C4orf51: variants seen among roughly 807,000 people sequenced by gnomAD.
The protein encoded by C4orf51 is uncharacterized protein C4orf51.
A neutral mutation model predicts 25.2 loss-of-function variants in C4orf51; 25 were observed. The observed-to-expected ratio is 0.99, with a 90% CI of 0.72 to 1.39. The LOEUF (loss-of-function observed/expected upper bound fraction) is 1.39. Ranked by LOEUF, C4orf51 falls within the 40% of genes most tolerant of loss-of-function variation. The probability of loss-of-function intolerance (pLI) is 0.00; values close to 1 mark genes in which losing one functional copy is unlikely to be tolerated. For synonymous variants in C4orf51, 100 were observed against 84.5 expected (o/e 1.18, Z -1.01); for missense variants, 252 against 239.6 (o/e 1.05, Z -0.34).
intron 1 of C4orf51, among the ~76,000 whole-genome samples, chr4:145,689,163 G>A (rs1349676854): frequency 1.3e-5 from 2 of 152,098 alleles, no homozygotes; most frequent in African/African-American, 4.8e-5. Flanking sequence ...GCAAATCAAT[G>A]AAACCATTAG....
chr4:145,747,674 TTCCC>T (rs1244832265), intron 1 of C4orf51, among the ~76,000 whole-genome samples: 132 of 147,600 alleles, frequency 8.9e-4, no homozygotes, highest in African/African-American at 3.2e-3. Flanking sequence ...CCCCGCTTCT[TTCCC>T]TCCCTCCCTC....
chr4:145,709,951 A>G (rs1731042564), intron 2 of C4orf51, among the ~76,000 whole-genome samples: 1 of 152,164 alleles, frequency 6.6e-6, no homozygotes, highest in African/African-American at 2.4e-5. Flanking sequence ...GGAGAGTAAA[A>G]GGGGCGAATA....
downstream of C4orf51, chr4:145,774,434 G>T: frequency 1.3e-6 from 2 of 1,522,228 alleles, no homozygotes; most frequent in Non-Finnish European, 1.8e-6. Context: ...GGGATGCTTC[G>T]GCCAGGTGGC....
chr4:145,738,606 A>G (rs1174730654), intron 1 of C4orf51, among the ~76,000 whole-genome samples: 1 of 151,972 alleles, frequency 6.6e-6, no homozygotes, highest in East Asian at 1.9e-4. Context: ...ACTGAACCAT[A>G]AGACTACTTT....
intron 1 of C4orf51, among the ~76,000 whole-genome samples, chr4:145,739,201 C>T (rs1189370458): frequency 6.6e-6 from 1 of 152,164 alleles, no homozygotes; most frequent in Non-Finnish European, 1.5e-5. Context: ...ATACTTTGTC[C>T]ACTCATTTAG....
chr4:145,730,572 A>G (rs1360690986), intron 5 of C4orf51, among the ~76,000 whole-genome samples: 1 of 152,182 alleles, frequency 6.6e-6, no homozygotes, highest in Non-Finnish European at 1.5e-5. Flanking sequence ...TGGTTTTTGC[A>G]TAGAAGTTAC....
chr4:145,727,736 G>A (rs1185845856), intron 3 of C4orf51, among the ~76,000 whole-genome samples: 2 of 149,380 alleles, frequency 1.3e-5, no homozygotes, highest in Non-Finnish European at 3.0e-5. Flanking sequence ...TACAAAATTA[G>A]CCGGGCATGA....
intron 1 of C4orf51, among the ~76,000 whole-genome samples, chr4:145,690,979 G>T (rs935848029): frequency 8.5e-5 from 13 of 152,150 alleles, no homozygotes; most frequent in Non-Finnish European, 7.4e-5. Context: ...CAGATGTGGG[G>T]GCATGTGTCT....
chr4:145,693,961 G>T (rs1428560718), intron 1 of C4orf51, among the ~76,000 whole-genome samples: 1 of 138,630 alleles, frequency 7.2e-6, no homozygotes, highest in African/African-American at 2.8e-5. Flanking sequence ...GTGGCTGCCG[G>T]GCGGAGAGGC....
intron 1 of C4orf51, among the ~76,000 whole-genome samples, chr4:145,692,495 G>C (rs1446046056): frequency 6.6e-6 from 1 of 152,112 alleles, no homozygotes; most frequent in Admixed American, 6.5e-5. Context: ...ATAATTACTG[G>C]GGATTGAGCT....
chr4:145,749,160 C>G (rs1004430239), intron 1 of C4orf51, among the ~76,000 whole-genome samples: 1 of 151,050 alleles, frequency 6.6e-6, no homozygotes, highest in African/African-American at 2.4e-5. Context: ...CCCTCTTTGT[C>G]TCTTCTTATA....
chr4:145,730,190 C>T (rs1018618280), intron 5 of C4orf51, among the ~76,000 whole-genome samples: 7 of 152,176 alleles, frequency 4.6e-5, no homozygotes, highest in Non-Finnish European at 8.8e-5. Flanking sequence ...CTCTCCACAG[C>T]TGTTTTGGAA....
intron 1 of C4orf51, among the ~76,000 whole-genome samples, chr4:145,747,740 T>G (rs1014196248): frequency 4.1e-5 from 6 of 147,224 alleles, no homozygotes; most frequent in Non-Finnish European, 9.1e-5. Flanking sequence ...CTTTCTCTTT[T>G]TCTTTTCCTT....
the C4orf51 span, among the ~76,000 whole-genome samples, chr4:145,789,270 T>G: frequency 1.3e-5 from 2 of 152,192 alleles, no homozygotes; most frequent in Non-Finnish European, 2.9e-5. Flanking sequence ...CCATAATTGG[T>G]TAAGTCTCTG....
chr4:145,790,474 T>A, the C4orf51 span, among the ~76,000 whole-genome samples: 1 of 152,202 alleles, frequency 6.6e-6, no homozygotes, highest in Admixed American at 6.5e-5. Context: ...GTTAATTTAC[T>A]CCTGAAATGT....
the C4orf51 span, among the ~76,000 whole-genome samples, chr4:145,778,442 C>CT: frequency 2.5e-3 from 376 of 150,114 alleles, 1 homozygote; most frequent in African/African-American, 8.0e-3. Flanking sequence ...CAACAAAAAC[C>CT]TTTTTTTTTT....
rs776075942 is a variant in C4orf51 at position 145,696,588 on chromosome 4, A to G, written c.263A>G (p.His88Arg). 3.1e-6 allele frequency: 5 copies of G among 1,613,814 alleles called. No individual in the cohort carries two copies. In the Admixed American group the frequency reaches 6.7e-5, roughly 22 times the overall value. Reference protein sequence around the residue: ...QMSLTNSSACHLLCWAGTQET... With the variant: ...QMSLTNSSACRLLCWAGTQET... ...TCATTGACAAACAGTTCTGCCTGTC[A>G]TCTTCTCTGCTGGGCTGGTACCCAA... Residue 88 changes from histidine (H) to arginine (R), a missense_variant, in exon 2 of 6, where the codon CAT becomes CGT. Coordinates refer to ENST00000438731, the MANE Select transcript of C4orf51 (RefSeq NM_001080531.3).
intron 2 of C4orf51, among the ~76,000 whole-genome samples, chr4:145,715,538 T>TA (rs1276415605): frequency 6.6e-6 from 1 of 152,140 alleles, no homozygotes; most frequent in Non-Finnish European, 1.5e-5. Flanking sequence ...CTGTTCTTCT[T>TA]ACCCTCTTCA....
intron 2 of C4orf51, among the ~76,000 whole-genome samples, chr4:145,705,277 T>C (rs1730730185): frequency 6.6e-6 from 1 of 152,206 alleles, no homozygotes; most frequent in African/African-American, 2.4e-5. Flanking sequence ...TTCAGGTGTT[T>C]CTATTTATTG....
Sources: allele counts gnomAD v4.1 joint callset (sites outside exome capture counted in the v4.1 genomes callset), GRCh38; gene constraint gnomAD v4.1.1; transcripts MANE v1.5; gene names NCBI Gene and HGNC (gene_info 2026-07-23, HGNC 2026-07-21).